Variants in NEIL3 observed in about 807,000 individuals in gnomAD.
NEIL3 encodes the protein endonuclease 8-like 3.
Under a neutral mutation model 57.5 loss-of-function variants are expected in NEIL3, and 48 were observed. The observed-to-expected ratio is 0.83, with a 90% CI of 0.66 to 1.06. The LOEUF (loss-of-function observed/expected upper bound fraction) is 1.06. NEIL3 is among the 50% of genes least tolerant of loss of function. NEIL3 has a pLI of 0.00. For missense variants in NEIL3, 717 were observed against 739.1 expected, an observed-to-expected ratio of 0.97 and a Z score of 0.35; for synonymous variants, 261 against 253.2, an observed-to-expected ratio of 1.03 and a Z score of -0.29.
chr4:177,315,382 A>G (rs1261135379), intron 1 of NEIL3, among the ~76,000 whole-genome samples: 1 of 152,232 alleles, frequency 6.6e-6, no homozygotes, highest in Non-Finnish European at 1.5e-5. Flanking sequence ...ACCCTTCTCA[A>G]TCATACCTAA....
intron 4 of NEIL3, among the ~76,000 whole-genome samples, chr4:177,338,724 T>A (rs1285922622): frequency 6.6e-6 from 1 of 152,262 alleles, no homozygotes; most frequent in East Asian, 1.9e-4. Context: ...CTTCCATGTG[T>A]TAATAAGTAC....
intron 2 of NEIL3, among the ~76,000 whole-genome samples, chr4:177,334,088 A>T (rs1734931359): frequency 6.6e-6 from 1 of 152,094 alleles, no homozygotes; most frequent in South Asian, 2.1e-4. Flanking sequence ...CTGAAAAGCA[A>T]ATGAAACCCT....
At chr4:177,322,671 A>G in intron 2 of NEIL3, 91 bp downstream of exon 2, 1 of 1,479,482 alleles carries the variant, frequency 6.8e-7, no homozygotes, top group South Asian at 1.2e-5. Flanking sequence ...ACATTTAATC[A>G]TATAGGAAGT....
intron 8 of NEIL3, among the ~76,000 whole-genome samples, chr4:177,355,538 C>T (rs1258024109): frequency 6.6e-6 from 1 of 151,914 alleles, no homozygotes; most frequent in African/African-American, 2.4e-5. Context: ...TATTTTCGAT[C>T]CAAGGTTGGT....
chr4:177,310,511 C>T (rs892913891), intron 1 of NEIL3, among the ~76,000 whole-genome samples: 1 of 152,174 alleles, frequency 6.6e-6, no homozygotes, highest in Admixed American at 6.6e-5. Context: ...GCATAAAATT[C>T]TACTTTCTTG....
chr4:177,343,899 T>A (rs1282007732), intron 6 of NEIL3, among the ~76,000 whole-genome samples: 2 of 152,140 alleles, frequency 1.3e-5, no homozygotes, highest in Non-Finnish European at 2.9e-5. Context: ...GATACTGCGT[T>A]GAACACAGTA....
At chr4:177,328,535 C>T (rs73864988) in intron 2 of NEIL3, among the ~76,000 whole-genome samples, 18,430 of 152,122 alleles carry the variant, frequency 0.12, 1,199 homozygotes, top group Middle Eastern at 0.21. Context: ...AACAGAGCAA[C>T]GTTTGCTGAA....
intron 4 of NEIL3, among the ~76,000 whole-genome samples, chr4:177,337,340 A>G (rs1734997849): frequency 6.6e-6 from 1 of 152,194 alleles, no homozygotes; most frequent in African/African-American, 2.4e-5. Flanking sequence ...TAACTAAATT[A>G]TCTTTTACAT....
Position 177,353,368 on chromosome 4 carries a change from G to A in NEIL3, c.1100G>A (p.Cys367Tyr). The change falls in exon 8 of 10, where the codon TGT becomes TAT. Residue 367 changes from cysteine (C) to tyrosine (Y), a missense_variant. By Grantham distance (194) the Cys-to-Tyr change is radical (BLOSUM62 -2). Coordinates refer to ENST00000264596, the MANE Select transcript of NEIL3 (RefSeq NM_018248.3). ...TVFSHLMKYP[C>Y]NTFGKPHTEV... The stretch of plus-strand genomic sequence containing the variant: ...TTTAGCCACTTAATGAAGTACCCGT[G>A]TAATACTTTTGGAAAACCTCATACA... The A allele has an allele frequency of 1.2e-6, 2 of 1,613,926 alleles. No individual in the cohort carries two copies. Among genetic ancestry groups the A allele is most frequent in the Non-Finnish European group, 1.7e-6 (2 of 1,179,912 alleles).
chr4:177,345,244 G>T (rs1735190518), intron 6 of NEIL3, among the ~76,000 whole-genome samples: 1 of 152,162 alleles, frequency 6.6e-6, no homozygotes, highest in Admixed American at 6.5e-5. Context: ...AGTATAGAAA[G>T]AAATAGGAAT....
downstream of NEIL3, among the ~76,000 whole-genome samples, chr4:177,366,269 G>A (rs970312822): frequency 1.3e-5 from 2 of 152,192 alleles, no homozygotes; most frequent in African/African-American, 4.8e-5. Flanking sequence ...TGGAGAGATT[G>A]AAGGATCTAT....
intron 2 of NEIL3, among the ~76,000 whole-genome samples, chr4:177,332,330 A>G (rs1734898948): frequency 1.4e-5 from 2 of 145,386 alleles, no homozygotes; most frequent in Admixed American, 1.4e-4. Flanking sequence ...TTTTGCTTCT[A>G]CCTCACCTTC....
At chr4:177,327,175 T>C (rs551269983) in intron 2 of NEIL3, among the ~76,000 whole-genome samples, 49 of 152,292 alleles carry the variant, frequency 3.2e-4, no homozygotes, top group African/African-American at 1.0e-3. Flanking sequence ...TCCACCATGA[T>C]TGTAAGTTTC....
chr4:177,360,972 G>A (rs968971879), intron 9 of NEIL3, among the ~76,000 whole-genome samples: 3 of 152,114 alleles, frequency 2.0e-5, no homozygotes, highest in African/African-American at 4.8e-5. Flanking sequence ...TGACTAGTAG[G>A]TACTAGTAGT....
At chr4:177,342,999 A>C (rs1735127557) in intron 6 of NEIL3, 1 of 152,372 alleles carries the variant, frequency 6.6e-6, no homozygotes, top group South Asian at 2.1e-4. Context: ...CTGAAAATGC[A>C]TGTAAAGAAG....
chr4:177,349,134 G>C (rs1471946330), intron 6 of NEIL3, among the ~76,000 whole-genome samples: 1 of 149,160 alleles, frequency 6.7e-6, no homozygotes, highest in East Asian at 2.0e-4. Context: ...CACACGTCTC[G>C]GCCTCCCAAA....
downstream of NEIL3, among the ~76,000 whole-genome samples, chr4:177,367,174 A>C (rs2110953450): frequency 6.6e-6 from 1 of 150,954 alleles, no homozygotes; most frequent in South Asian, 2.1e-4. Flanking sequence ...AGTCTCATTC[A>C]GATGGCTGTT....
At chr4:177,354,991 G>T (rs1354375485) in intron 8 of NEIL3, among the ~76,000 whole-genome samples, 1 of 151,774 alleles carries the variant, frequency 6.6e-6, no homozygotes, top group African/African-American at 2.4e-5. Flanking sequence ...AATGATTATC[G>T]GCAGCTCCTG....
chr4:177,319,139 G>A (rs990520289), intron 1 of NEIL3, among the ~76,000 whole-genome samples: 1 of 151,956 alleles, frequency 6.6e-6, no homozygotes, highest in Middle Eastern at 3.2e-3. Context: ...CTTCACATGA[G>A]ACATTTGGGA....
Sources: allele counts gnomAD v4.1 joint callset (sites outside exome capture counted in the v4.1 genomes callset), GRCh38; gene constraint gnomAD v4.1.1; transcripts MANE v1.5; gene names NCBI Gene and HGNC (gene_info 2026-07-23, HGNC 2026-07-21).